Variants in GABRG2 observed in about 807,000 individuals in gnomAD.
GABRG2 encodes the protein gamma-aminobutyric acid receptor subunit gamma-2.
In GABRG2, 16 loss-of-function variants were observed where a neutral mutation model predicts 56.4. That is an observed-to-expected ratio of 0.28 (90% CI 0.19 to 0.43). GABRG2 has a LOEUF of 0.43. Ranked by LOEUF, GABRG2 falls within the 20% of genes least tolerant of loss-of-function variation. The pLI, the probability that GABRG2 is intolerant of heterozygous loss-of-function variation, is 1.00. For missense variants in GABRG2, 327 were observed against 582.7 expected, an observed-to-expected ratio of 0.56 and a Z score of 4.52; for synonymous variants, 208 against 205.5, an observed-to-expected ratio of 1.01 and a Z score of -0.10.
intron 1 of GABRG2, among the ~76,000 whole-genome samples, chr5:162,085,803 C>T (rs1262261841): frequency 6.6e-6 from 1 of 151,804 alleles, no homozygotes. Flanking sequence ...TTGTTTAGCT[C>T]CCACTTATAA....
In GABRG2 at chr5:162,095,320, T is replaced by C. The variant is rs1471004080; in HGVS notation, c.260-175T>C. 7.2e-5 allele frequency among the ~76,000 whole-genome samples: 11 copies of C among 152,310 alleles called. No individual in the cohort carries two copies. In the East Asian group the frequency reaches 7.7e-4, roughly 11 times the overall value. On this transcript the variant is annotated intron_variant, in intron 2 of 9. Transcript: ENST00000639213. ...TGCATGTGCATACTTAAGAAAGATA[T>C]TTCTTTGAAAACAAAATAGTTATTC...
chr5:162,153,418 G>A lies in GABRG2; in HGVS notation c.*50G>A. 6.3e-7 allele frequency: 1 copy of A among 1,588,976 alleles called. No homozygotes were observed. Among genetic ancestry groups the A allele is most frequent in the Non-Finnish European group, 8.6e-7 (1 of 1,157,404 alleles). On this transcript the variant is annotated 3_prime_UTR_variant, in exon 10 of 10. Coordinates refer to ENST00000639213, the MANE Select transcript of GABRG2 (RefSeq NM_198904.4). Reference sequence around the variant, plus strand: ...GTTCTTATTCACTGAGTCTCATGGAGAGATGTCTGTTCTAAGTCCACTTAA... The same window carrying A: ...GTTCTTATTCACTGAGTCTCATGGAAAGATGTCTGTTCTAAGTCCACTTAA...
chr5:162,137,258 T>C (rs908766277), intron 6 of GABRG2, among the ~76,000 whole-genome samples: 2 of 152,200 alleles, frequency 1.3e-5, no homozygotes, highest in African/African-American at 4.8e-5. Context: ...TTGAAAACTT[T>C]TTGTTTCTGT....
intron 7 of GABRG2, among the ~76,000 whole-genome samples, chr5:162,143,322 A>G (rs574261486): frequency 9.9e-5 from 15 of 152,236 alleles, no homozygotes; most frequent in East Asian, 7.7e-4. Flanking sequence ...GATGGAAAAA[A>G]TTATTTTTGA....
At chr5:162,098,008 C>T (rs1468379929) in intron 4 of GABRG2, 150 bp downstream of exon 4, 2 of 659,454 alleles carry the variant, frequency 3.0e-6, no homozygotes, top group East Asian at 5.5e-5. Flanking sequence ...TATATGACAT[C>T]AAAACATTAG....
intron 6 of GABRG2, among the ~76,000 whole-genome samples, chr5:162,130,021 T>C (rs1245767529): frequency 4.0e-5 from 6 of 151,876 alleles, no homozygotes; most frequent in Non-Finnish European, 8.8e-5. Context: ...ATCTAGTACT[T>C]TGCCCACCAA....
intron 6 of GABRG2, among the ~76,000 whole-genome samples, chr5:162,136,833 T>G (rs1001842933): frequency 1.3e-5 from 2 of 152,176 alleles, no homozygotes; most frequent in Non-Finnish European, 1.5e-5. Flanking sequence ...TTGTGGTGTG[T>G]AAGATAAATT....
intron 6 of GABRG2, among the ~76,000 whole-genome samples, chr5:162,123,190 ATTAT>A (rs1244852912): frequency 1.3e-5 from 2 of 151,876 alleles, no homozygotes; most frequent in Non-Finnish European, 3.0e-5. Flanking sequence ...AGGGATAGAT[ATTAT>A]TTGTTTTCTA....
At chr5:162,129,738 T>C (rs2113529567) in intron 6 of GABRG2, among the ~76,000 whole-genome samples, 1 of 152,116 alleles carries the variant, frequency 6.6e-6, no homozygotes, top group Admixed American at 6.6e-5. Context: ...TCAAATGTTG[T>C]ATTCCTTAAA....
At chr5:162,146,208 T>G (rs1001242017) in intron 7 of GABRG2, among the ~76,000 whole-genome samples, 3 of 152,118 alleles carry the variant, frequency 2.0e-5, no homozygotes, top group African/African-American at 7.2e-5. Flanking sequence ...GTCTGGCACT[T>G]CATGCCACAT....
intron 5 of GABRG2, 55 bp downstream of exon 5, chr5:162,101,372 T>C: frequency 8.6e-7 from 1 of 1,159,678 alleles, no homozygotes; most frequent in Non-Finnish European, 1.3e-6. Flanking sequence ...TCTTTCTGAT[T>C]GCCATGTTAA....
At chr5:162,102,617 G>C (rs776313428) in intron 5 of GABRG2, 1 of 450,892 alleles carries the variant, frequency 2.2e-6, no homozygotes, top group East Asian at 7.0e-5. Flanking sequence ...TACAGCCTTC[G>C]CTTCTGGGGC....
chr5:162,069,574 G>A (rs1323013919), intron 1 of GABRG2, among the ~76,000 whole-genome samples: 2 of 152,124 alleles, frequency 1.3e-5, no homozygotes, highest in Non-Finnish European at 2.9e-5. Context: ...AAGAGTGAAA[G>A]CCTCACTTTG....
At chr5:162,128,461 G>A (rs915991698) in intron 6 of GABRG2, 1 of 151,894 alleles carries the variant, frequency 6.6e-6, no homozygotes, top group Non-Finnish European at 1.5e-5. Context: ...AGCTCTTCAA[G>A]GAACAATGCT....
At chr5:162,144,499 T>A (rs1764813850) in intron 7 of GABRG2, among the ~76,000 whole-genome samples, 1 of 152,212 alleles carries the variant, frequency 6.6e-6, no homozygotes, top group East Asian at 1.9e-4. Context: ...AAATAGCAGA[T>A]AGGTGCTTCT....
At chr5:162,100,050 G>C (rs1029237140) in intron 4 of GABRG2, 7 of 151,970 alleles carry the variant, frequency 4.6e-5, no homozygotes, top group African/African-American at 1.7e-4. Flanking sequence ...TAGTAACAAT[G>C]ATTAAAACCT....
chr5:162,149,412 C>A lies in GABRG2; in HGVS notation c.1128+99C>A, dbSNP rs211014. ...GCAGGCTAAGGCTCAGCAGTTTGGG[C>A]TCCAAGATGAAAACAGCATGTATGA... On this transcript the variant is annotated intron_variant, in intron 8 of 9. Coordinates refer to ENST00000639213, the MANE Select transcript of GABRG2 (RefSeq NM_198904.4). 300,276 of 1,138,958 alleles carry A rather than the reference C, an allele frequency of 0.26. 42,559 individuals carry two copies. Among genetic ancestry groups the A allele is most frequent in the East Asian group, 0.49 (20,010 of 40,570 alleles). The allele number at this position is 1,138,958 out of a possible 1,614,324, so 70.6% of individuals were successfully genotyped here.
intron 1 of GABRG2, among the ~76,000 whole-genome samples, chr5:162,090,990 C>A (rs1021357534): frequency 3.3e-5 from 5 of 152,084 alleles, no homozygotes; most frequent in Non-Finnish European, 7.4e-5. Flanking sequence ...AAAGAAACAG[C>A]GTAGCTTTAA....
At chr5:162,123,296 T>C (rs1276407015) in intron 6 of GABRG2, among the ~76,000 whole-genome samples, 1 of 151,758 alleles carries the variant, frequency 6.6e-6, no homozygotes, top group Non-Finnish European at 1.5e-5. Flanking sequence ...GATGCATTTG[T>C]TTGGAATTAG....
Sources: gnomAD v4.1 joint callset for allele counts (sites outside exome capture counted in the v4.1 genomes callset) on GRCh38, gnomAD v4.1.1 for gene constraint, MANE v1.5 for transcripts, NCBI Gene and HGNC (gene_info 2026-07-23, HGNC 2026-07-21) for gene names.